The following NPIPA2 variants were observed in gnomAD, a reference collection of about 807,000 sequenced individuals.
NPIPA2 encodes the protein nuclear pore complex interacting protein family member A2.
For synonymous variants in NPIPA2, 1 was observed against 57.3 expected (o/e 0.02, Z 4.44); for missense variants, 3 against 137.5 (o/e 0.02, Z 4.89).
At position 14,765,051 on chromosome 16, in the gene NPIPA2, TG is replaced by T. The variant is rs1257450035; in HGVS notation, c.750del (p.Trp250CysfsTer9). 1.8e-6 allele frequency: 1 copy of T among 549,434 alleles called. No individual in the cohort carries two copies. The highest frequency in any genetic ancestry group is 2.2e-5 in the African/African-American group (1 of 45,180). 34.0% of individuals were successfully genotyped at this position (549,434 alleles called of 1,614,324 possible). ...TCGTCATTCTTCAGGATTGCCCTAC[TG>T]GCCCTACCTCACAGCTGAAACTTTA... On this transcript the variant is annotated frameshift_variant, in exon 8 of 8. Coordinates refer to ENST00000529166, the Ensembl canonical transcript of NPIPA2. LOFTEE classifies it low-confidence loss of function (END_TRUNC).
At chr16:14,749,156 T>TATATA (rs1298112768) in intron 1 of NPIPA2, among the ~76,000 whole-genome samples, 1 of 15,784 alleles carries the variant, frequency 6.3e-5, no homozygotes, top group African/African-American at 1.1e-4. Context: ...TATATATATA[T>TATATA]TTTTTTTTTT....
chr16:14,749,156 T>TA (rs1298112768), intron 1 of NPIPA2, among the ~76,000 whole-genome samples: 306 of 15,756 alleles, frequency 0.019, 7 homozygotes, highest in Middle Eastern at 0.062. Flanking sequence ...TATATATATA[T>TA]TTTTTTTTTT....
intron 1 of NPIPA2, among the ~76,000 whole-genome samples, chr16:14,751,713 GC>G (rs1409898549): frequency 3.2e-5 from 4 of 123,844 alleles, no homozygotes; most frequent in African/African-American, 1.1e-4. Context: ...GGATTTATCA[GC>G]CATCAGTCCA....
intron 2 of NPIPA2, among the ~76,000 whole-genome samples, chr16:14,758,596 TGTGTGTG>T (rs1962179823): frequency 7.6e-5 from 1 of 13,148 alleles, no homozygotes; most frequent in Non-Finnish European, 1.7e-4. Context: ...TCATTCTTTG[TGTGTGTG>T]TGTGTGTGTG....
At chr16:14,758,279 TA>T (rs1447256404) in intron 2 of NPIPA2, among the ~76,000 whole-genome samples, 3 of 74,884 alleles carry the variant, frequency 4.0e-5, no homozygotes, top group South Asian at 5.0e-4. Context: ...GCACCTGGCC[TA>T]TTTTTTTTTT....
chr16:14,765,294 C>T (rs778294678), exon 8 of NPIPA2: 1 of 1,594,110 alleles, frequency 6.3e-7, no homozygotes, highest in South Asian at 1.1e-5. Flanking sequence ...TCCCGAGTGT[C>T]TGCTCACTCC....
rs1962397834 is a variant in NPIPA2, at chr16:14,765,158, TC to T, written c.858del (p.Glu287SerfsTer78). The stretch of plus-strand genomic sequence containing the variant: ...ATAACTCCCTGAGCCTCAAGACACC[TC>T]CCGAGTGTCTGCTCACTCCCCTTCC... On this transcript the variant is annotated frameshift_variant, in exon 8 of 8. Transcript: ENST00000529166. LOFTEE classifies it high-confidence loss of function. The T allele has an allele frequency of 8.4e-7, 1 of 1,184,300 alleles. No homozygotes were observed. Among genetic ancestry groups the T allele is most frequent in the Admixed American group, 2.0e-5 (1 of 49,492 alleles). 73.4% of individuals were successfully genotyped at this position (1,184,300 alleles called of 1,614,324 possible).
intron 1 of NPIPA2, among the ~76,000 whole-genome samples, chr16:14,749,152 TATA>T (rs1236985997): frequency 2.7e-4 from 5 of 18,386 alleles, no homozygotes; most frequent in Non-Finnish European, 4.2e-4. Flanking sequence ...TATATATATA[TATA>T]TTTTTTTTTT....
intron 2 of NPIPA2, among the ~76,000 whole-genome samples, chr16:14,758,280 A>ATTTTT (rs1164995200): frequency 4.4e-5 from 2 of 45,440 alleles, no homozygotes; most frequent in African/African-American, 1.4e-4. Flanking sequence ...CACCTGGCCT[A>ATTTTT]TTTTTTTTTT....
intron 1 of NPIPA2, among the ~76,000 whole-genome samples, chr16:14,751,981 G>A (rs1310336555): frequency 1.5e-5 from 1 of 64,766 alleles, no homozygotes; most frequent in East Asian, 4.1e-4. Flanking sequence ...GCTGAGGTGG[G>A]AGGATCGCTT....
chr16:14,758,525 G>T (rs1453429907), intron 2 of NPIPA2, among the ~76,000 whole-genome samples: 17 of 96,082 alleles, frequency 1.8e-4, no homozygotes, highest in African/African-American at 4.9e-4. Context: ...CAGGTGATCC[G>T]CCTGCCTCGG....
intron 2 of NPIPA2, among the ~76,000 whole-genome samples, chr16:14,758,558 A>G (rs1391275931): frequency 2.9e-5 from 2 of 70,168 alleles, no homozygotes; most frequent in South Asian, 7.1e-4. Context: ...CTGGGATTAC[A>G]GGAGTGAGCC....
Position 14,761,381 on chromosome 16 carries a change from GA to G in NPIPA2, c.495-928del, listed in dbSNP as rs1237688061. 3.6e-5 allele frequency among the ~76,000 whole-genome samples: 2 copies of G among 55,644 alleles called. 1 individual carries two copies. Among genetic ancestry groups the G allele is most frequent in the Non-Finnish European group, 8.3e-5 (2 of 24,190 alleles). 36.5% of individuals were successfully genotyped at this position (55,644 alleles called of 152,430 possible). A position where few individuals can be genotyped will look rare whatever the true frequency, so the allele number is the denominator to read the frequency against. On this transcript the variant is annotated intron_variant, in intron 4 of 7. Coordinates refer to ENST00000529166, the Ensembl canonical transcript of NPIPA2. ...TGTGCTGAAGGATGCCCTGTGGTCA[GA>G]AACAAGTTCATTAACTTTCTCTTTG...
chr16:14,751,603 ACTCTTTTGGCTC>A (rs1471165135), intron 1 of NPIPA2, among the ~76,000 whole-genome samples: 2 of 34,068 alleles, frequency 5.9e-5, no homozygotes, highest in African/African-American at 7.9e-5. Flanking sequence ...TGCGGTGGCT[ACTCTTTTGGCTC>A]CTCTTTTGGC....
chr16:14,749,152 TA>T lies in NPIPA2; in HGVS notation c.120+968del, dbSNP rs1415215835. 9.2e-3 allele frequency among the ~76,000 whole-genome samples: 168 copies of T among 18,360 alleles called. 3 individuals carry two copies. The highest frequency in any genetic ancestry group is 0.017 in the Non-Finnish European group (81 of 4,736). 12.0% of individuals were successfully genotyped at this position (18,360 alleles called of 152,430 possible). On this transcript the variant is annotated intron_variant, in intron 1 of 7. Coordinates refer to ENST00000529166, the Ensembl canonical transcript of NPIPA2. ...ACACACACACATATATATATATATATATATTTTTTTTTTTTTTTTTTGAGAC... is the reference window on the plus strand; with the variant it reads ...ACACACACACATATATATATATATATTATTTTTTTTTTTTTTTTTTGAGAC...
intron 2 of NPIPA2, among the ~76,000 whole-genome samples, chr16:14,758,304 CAG>C (rs1962116654): frequency 1.1e-5 from 1 of 94,316 alleles, no homozygotes; most frequent in African/African-American, 3.5e-5. Flanking sequence ...TTTTTTGAGA[CAG>C]AGTTTCAATT....
chr16:14,758,642 T>A (rs1403911016), intron 2 of NPIPA2, among the ~76,000 whole-genome samples: 144 of 74,100 alleles, frequency 1.9e-3, no homozygotes, highest in Middle Eastern at 0.014. Flanking sequence ...TGTGTGTGTG[T>A]GACAGAGTCT....
chr16:14,749,155 A>AT (rs1294509625), intron 1 of NPIPA2, among the ~76,000 whole-genome samples: 686 of 16,136 alleles, frequency 0.043, 135 homozygotes, highest in Non-Finnish European at 0.096. Flanking sequence ...ATATATATAT[A>AT]TTTTTTTTTT....
At chr16:14,764,849 ATAT>A (rs1300938727) in intron 7 of NPIPA2, 151 bp from the exon 10 acceptor site, 6 of 207,710 alleles carry the variant, frequency 2.9e-5, no homozygotes, top group South Asian at 2.7e-4. Context: ...TGGAAGGGTG[ATAT>A]TATGACACTG....
Sources: allele counts gnomAD v4.1 joint callset (sites outside exome capture counted in the v4.1 genomes callset), GRCh38; gene constraint gnomAD v4.1.1; transcripts MANE v1.5; gene names NCBI Gene and HGNC (gene_info 2026-07-23, HGNC 2026-07-21).